The following TMEM117 variants were observed in gnomAD, a reference collection of about 807,000 sequenced individuals.
TMEM117 encodes transmembrane protein 117.
A neutral mutation model predicts 52.4 loss-of-function variants in TMEM117; 27 were observed. That is an observed-to-expected ratio of 0.51 (90% CI 0.38 to 0.71). TMEM117 has a LOEUF of 0.71. Ranked by LOEUF, TMEM117 falls within the 30% of genes least tolerant of loss-of-function variation. The probability of loss-of-function intolerance (pLI) is 0.00; values close to 1 mark genes in which losing one functional copy is unlikely to be tolerated. For synonymous variants in TMEM117, 215 were observed against 206.3 expected, an observed-to-expected ratio of 1.04 and a Z score of -0.36; for missense variants, 556 against 630.5, an observed-to-expected ratio of 0.88 and a Z score of 1.26.
chr12:43,902,688 G>GA (rs1944323927), intron 2 of TMEM117, among the ~76,000 whole-genome samples: 3 of 152,144 alleles, frequency 2.0e-5, no homozygotes. Flanking sequence ...GATACATGAT[G>GA]ACCCAGAGGA....
chr12:43,822,496 T>A, the TMEM117 span, among the ~76,000 whole-genome samples: 1 of 148,760 alleles, frequency 6.7e-6, no homozygotes, highest in South Asian at 2.1e-4. Context: ...TTTTTTTTTT[T>A]AGATAGAGTC....
At chr12:44,185,339 A>G (rs758473240) in intron 4 of TMEM117, among the ~76,000 whole-genome samples, 1 of 152,180 alleles carries the variant, frequency 6.6e-6, no homozygotes, top group Admixed American at 6.5e-5. Context: ...CGAAAATTAG[A>G]TAAAGATTTT....
rs868478750 is a variant in TMEM117, at chr12:43,998,907, C to T, written c.410+54565C>T. Among the ~76,000 whole-genome samples the T allele has an allele frequency of 1.6e-4, 25 of 152,276 alleles. No individual in the cohort carries two copies. The Middle Eastern group carries it at 0.02, about 124-fold the overall frequency. ...TGGTCAAGAGACTTAGCAGGCACTT[C>T]ACAAGAGAATATTCAAATACCCAAA... is the stretch of plus-strand genomic sequence containing the variant. On this transcript the variant is annotated intron_variant, in intron 3 of 7. Coordinates refer to ENST00000266534, the MANE Select transcript of TMEM117 (RefSeq NM_032256.3).
intron 4 of TMEM117, among the ~76,000 whole-genome samples, chr12:44,204,613 AC>A (rs1442694023): frequency 3.3e-5 from 5 of 152,018 alleles, no homozygotes; most frequent in African/African-American, 1.2e-4. Flanking sequence ...TCCTAAGCAA[AC>A]AGCACAAAAT....
chr12:43,834,387 AC>A (rs1338749747), upstream of TMEM117, among the ~76,000 whole-genome samples: 2 of 152,230 alleles, frequency 1.3e-5, no homozygotes, highest in African/African-American at 4.8e-5. Context: ...TATGTTAGGT[AC>A]TAAGGATACA....
intron 4 of TMEM117, among the ~76,000 whole-genome samples, chr12:44,159,272 C>A (rs1167752182): frequency 6.6e-6 from 1 of 152,116 alleles, no homozygotes; most frequent in Non-Finnish European, 1.5e-5. Flanking sequence ...AAATCTCTGT[C>A]TTCTTAGCAT....
chr12:43,945,769 C>G (rs150432330), intron 3 of TMEM117, among the ~76,000 whole-genome samples: 2 of 152,132 alleles, frequency 1.3e-5, no homozygotes, highest in East Asian at 3.9e-4. Flanking sequence ...CCCAATAGAT[C>G]AGAAAGTTAG....
At chr12:43,920,692 C>T (rs1344457157) in intron 2 of TMEM117, among the ~76,000 whole-genome samples, 1 of 151,862 alleles carries the variant, frequency 6.6e-6, no homozygotes. Context: ...GTAGCTGGCA[C>T]CATAGGTGCA....
chr12:44,179,048 G>A (rs1381090154), intron 4 of TMEM117, among the ~76,000 whole-genome samples: 3 of 152,068 alleles, frequency 2.0e-5, no homozygotes, highest in Non-Finnish European at 4.4e-5. Flanking sequence ...ACAAAAATTA[G>A]CCTGGTGTGG....
chr12:44,373,094 G>C (rs1033977217), intron 6 of TMEM117, among the ~76,000 whole-genome samples: 2 of 152,278 alleles, frequency 1.3e-5, no homozygotes, highest in Admixed American at 1.3e-4. Flanking sequence ...GAACGTTGCA[G>C]GTGCTCCATA....
the TMEM117 span, chr12:43,799,623 G>GAATTTTAATATCTTTTTACT: frequency 1.5e-5 from 8 of 527,458 alleles, no homozygotes; most frequent in East Asian, 2.0e-4. Context: ...ATAGCATTAT[G>GAATTTTAATATCTTTTTACT]AATTTTAATA....
At chr12:44,341,609 G>T (rs945201611) in intron 6 of TMEM117, among the ~76,000 whole-genome samples, 1 of 152,104 alleles carries the variant, frequency 6.6e-6, no homozygotes, top group African/African-American at 2.4e-5. Flanking sequence ...GCTCTGCTCT[G>T]AGGTGGTCAT....
chr12:44,244,721 A>T (rs1472184427), intron 5 of TMEM117, among the ~76,000 whole-genome samples: 1 of 151,694 alleles, frequency 6.6e-6, no homozygotes, highest in African/African-American at 2.4e-5. Flanking sequence ...TCATTTGTCT[A>T]TTTTGTCTTT....
At chr12:43,975,223 C>T (rs1945653027) in intron 3 of TMEM117, among the ~76,000 whole-genome samples, 1 of 152,084 alleles carries the variant, frequency 6.6e-6, no homozygotes, top group Non-Finnish European at 1.5e-5. Context: ...ATTATTATAT[C>T]AAAGGGTATG....
intron 3 of TMEM117, among the ~76,000 whole-genome samples, chr12:43,951,443 CA>C (rs1333254813): frequency 6.6e-6 from 1 of 152,186 alleles, no homozygotes; most frequent in Non-Finnish European, 1.5e-5. Flanking sequence ...CTGGGATGAT[CA>C]AGTTGCCAGG....
chr12:44,212,933 T>C (rs1263055737), intron 5 of TMEM117, among the ~76,000 whole-genome samples: 1 of 152,164 alleles, frequency 6.6e-6, no homozygotes. Flanking sequence ...TTGAACTCAA[T>C]TCTTAACAGG....
At chr12:44,127,171 A>G (rs532371661) in intron 3 of TMEM117, among the ~76,000 whole-genome samples, 1 of 152,304 alleles carries the variant, frequency 6.6e-6, no homozygotes, top group South Asian at 2.1e-4. Flanking sequence ...TTAGGATCAT[A>G]GAGATTTTAA....
chr12:43,828,371 G>A, the TMEM117 span, among the ~76,000 whole-genome samples: 1 of 152,332 alleles, frequency 6.6e-6, no homozygotes, highest in African/African-American at 2.4e-5. Context: ...CAGCAGCTAT[G>A]ATGCAGGAAG....
At chr12:44,246,709 C>A (rs924237043) in intron 5 of TMEM117, among the ~76,000 whole-genome samples, 6 of 152,116 alleles carry the variant, frequency 3.9e-5, no homozygotes, top group African/African-American at 1.2e-4. Flanking sequence ...GAAGTAGACA[C>A]CCTGCAAGCT....
Sources: gnomAD v4.1 joint callset for allele counts (sites outside exome capture counted in the v4.1 genomes callset) on GRCh38, gnomAD v4.1.1 for gene constraint, MANE v1.5 for transcripts, NCBI Gene and HGNC (gene_info 2026-07-23, HGNC 2026-07-21) for gene names.